AATF: variants seen among roughly 807,000 people sequenced by gnomAD.
The protein encoded by AATF is protein AATF.
In AATF, 48 loss-of-function variants were observed where a neutral mutation model predicts 63.7. The observed-to-expected ratio is 0.75, with a 90% CI of 0.60 to 0.96. The LOEUF is 0.96. Among genes scored for constraint, AATF ranks in the 40% least tolerant of loss-of-function variants. The pLI is 0.00. For synonymous variants in AATF, 258 were observed against 247.7 expected, an observed-to-expected ratio of 1.04 and a Z score of -0.39; for missense variants, 639 against 685.7, an observed-to-expected ratio of 0.93 and a Z score of 0.76.
intron 10 of AATF, among the ~76,000 whole-genome samples, chr17:37,026,383 A>G (rs1353920591): frequency 1.3e-5 from 2 of 152,250 alleles, no homozygotes; most frequent in African/African-American, 2.4e-5. Flanking sequence ...GGATGTGGTC[A>G]GAATCAGAGA....
chr17:37,012,239 A>T (rs1407129635), intron 8 of AATF, among the ~76,000 whole-genome samples: 1 of 152,094 alleles, frequency 6.6e-6, no homozygotes, highest in Non-Finnish European at 1.5e-5. Context: ...TATTTTTACT[A>T]GAGACGGGGT....
At chr17:37,004,707 G>A (rs1177831566) in intron 8 of AATF, among the ~76,000 whole-genome samples, 1 of 152,132 alleles carries the variant, frequency 6.6e-6, no homozygotes. Flanking sequence ...AGAGTGATAA[G>A]ATGTAGGAGG....
In AATF at chr17:36,950,477, C is replaced by A. The variant is rs34288228; in HGVS notation, c.283+72C>A. 2.4e-3 allele frequency: 3,408 copies of A among 1,429,146 alleles called. 61 individuals carry two copies. The African/African-American group carries it at 0.043, about 18-fold the overall frequency. The allele number at this position is 1,429,146 out of a possible 1,614,324, so 88.5% of individuals were successfully genotyped here. On this transcript the variant is annotated intron_variant, in intron 2 of 11. Transcript: ENST00000619387. ...CAGGGTTAAAATCCTCCGGTCATCCCCCATGATCTTTGCAAGAGTAGTCTG... is the reference window on the plus strand; with the variant it reads ...CAGGGTTAAAATCCTCCGGTCATCCACCATGATCTTTGCAAGAGTAGTCTG...
rs140502727 is a variant in AATF at position 36,953,159 on chromosome 17, C to T, written c.557C>T (p.Ala186Val). The T allele has an allele frequency of 3.7e-5, 60 of 1,613,852 alleles. No individual in the cohort carries two copies. The Admixed American group carries it at 4.0e-4, about 11-fold the overall frequency. ...EESGMEEGDD[A>V]EDSQGESEED... ...AGTGGCATGGAAGAAGGGGATGACG[C>T]GGAAGACTCCCAAGGCGAGAGTGAG... The change falls in exon 3 of 12, where the codon GCG (alanine) becomes GTG (valine). Residue 186 changes from alanine (A) to valine (V), a missense_variant. By Grantham distance (64) the Ala-to-Val change is moderately conservative (BLOSUM62 0). Coordinates refer to ENST00000619387, the MANE Select transcript of AATF (RefSeq NM_012138.4).
intron 10 of AATF, among the ~76,000 whole-genome samples, chr17:37,024,433 G>A (rs1327559488): frequency 6.6e-6 from 1 of 152,178 alleles, no homozygotes; most frequent in Non-Finnish European, 1.5e-5. Flanking sequence ...GAACTAATTG[G>A]TCTGATTCCA....
intron 11 of AATF, among the ~76,000 whole-genome samples, chr17:37,038,052 C>T (rs2142309200): frequency 6.6e-6 from 1 of 152,292 alleles, no homozygotes; most frequent in Non-Finnish European, 1.5e-5. Flanking sequence ...GCCTGCAGAA[C>T]CGTGAGCCAA....
intron 10 of AATF, among the ~76,000 whole-genome samples, chr17:37,021,356 TGGTGGC>T: frequency 6.6e-6 from 1 of 152,134 alleles, no homozygotes; most frequent in East Asian, 1.9e-4. Context: ...TGGCCAGGCG[TGGTGGC>T]TCACGCCTGT....
intron 8 of AATF, among the ~76,000 whole-genome samples, chr17:37,015,827 C>T (rs1300093624): frequency 6.6e-6 from 1 of 152,168 alleles, no homozygotes; most frequent in African/African-American, 2.4e-5. Flanking sequence ...CAGAGATTAA[C>T]ATAGAGCCTT....
chr17:37,014,244 G>A (rs1285429025), intron 8 of AATF, among the ~76,000 whole-genome samples: 3 of 150,002 alleles, frequency 2.0e-5, no homozygotes, highest in Non-Finnish European at 4.4e-5. Flanking sequence ...CTCCAGCCTG[G>A]GTGACAGAGC....
chr17:36,964,343 C>G (rs942516264), intron 4 of AATF, among the ~76,000 whole-genome samples: 27 of 151,684 alleles, frequency 1.8e-4, no homozygotes, highest in South Asian at 2.1e-4. Context: ...ACAGGAGTGC[C>G]TTAGATAGCA....
At chr17:37,043,677 ACACTT>A (rs2071663826) in intron 11 of AATF, among the ~76,000 whole-genome samples, 1 of 152,126 alleles carries the variant, frequency 6.6e-6, no homozygotes, top group Non-Finnish European at 1.5e-5. Context: ...TATTTGCAAA[ACACTT>A]CACTTAAGGT....
intron 6 of AATF, 135 bp from the exon 7 acceptor site, chr17:36,989,112 A>G: frequency 9.7e-7 from 1 of 1,029,818 alleles, no homozygotes; most frequent in East Asian, 2.5e-5. Context: ...TCACAAACTC[A>G]GTCCTTTACA....
At chr17:37,006,410 G>C (rs1054252519) in intron 8 of AATF, among the ~76,000 whole-genome samples, 1 of 151,964 alleles carries the variant, frequency 6.6e-6, no homozygotes, top group Non-Finnish European at 1.5e-5. Context: ...CTGAGATTTC[G>C]GTGAGCTGAG....
chr17:37,027,852 G>A (rs1246469688), intron 10 of AATF, among the ~76,000 whole-genome samples: 1 of 152,150 alleles, frequency 6.6e-6, no homozygotes, highest in Non-Finnish European at 1.5e-5. Flanking sequence ...GTAGGGTACA[G>A]TTCATAGTCT....
In AATF at chr17:36,989,303, CAA is replaced by C. The variant is rs768734566; in HGVS notation, c.1208_1209del (p.Lys403ArgfsTer21). 1 of 1,613,952 alleles carries C rather than the reference CAA, an allele frequency of 6.2e-7. No homozygotes were observed. The highest frequency in any genetic ancestry group is 8.5e-7 in the Non-Finnish European group (1 of 1,179,974). On this transcript the variant is annotated frameshift_variant, in exon 7 of 12. Transcript: ENST00000619387. LOFTEE classifies it high-confidence loss of function. ...CTCAGATCGACCATATTCTGATGGA[CAA>C]AGAGAGATTACTTCGAAGGACACAG... ...LTQIDHILMD[K>X]ERLLRRTQTK...
chr17:37,021,651 A>C (rs1597728901), intron 10 of AATF, among the ~76,000 whole-genome samples: 2 of 127,272 alleles, frequency 1.6e-5, no homozygotes, highest in East Asian at 2.0e-4. Flanking sequence ...AATAAATACA[A>C]AAAATTAGCC....
At chr17:36,995,728 C>T (rs1028664442) in intron 8 of AATF, among the ~76,000 whole-genome samples, 2 of 151,812 alleles carry the variant, frequency 1.3e-5, no homozygotes, top group Non-Finnish European at 1.5e-5. Flanking sequence ...CCATCACACC[C>T]AGCTAATTTT....
intron 8 of AATF, among the ~76,000 whole-genome samples, chr17:36,992,251 A>C (rs1321424825): frequency 6.6e-6 from 1 of 152,214 alleles, no homozygotes; most frequent in African/African-American, 2.4e-5. Flanking sequence ...ATGTTTGATA[A>C]AATTATTGCC....
chr17:36,959,747 TG>T (rs1390772515), intron 4 of AATF, among the ~76,000 whole-genome samples: 1 of 152,174 alleles, frequency 6.6e-6, no homozygotes, highest in Non-Finnish European at 1.5e-5. Context: ...AGGTCTAAAA[TG>T]CAATATCATT....
Sources: allele counts gnomAD v4.1 joint callset (sites outside exome capture counted in the v4.1 genomes callset), GRCh38; gene constraint gnomAD v4.1.1; transcripts MANE v1.5; gene names NCBI Gene and HGNC (gene_info 2026-07-23, HGNC 2026-07-21).